The following GDAP1 variants were observed in gnomAD, a reference collection of about 807,000 sequenced individuals.
GDAP1 encodes the protein ganglioside induced differentiation associated protein 1, also known as ganglioside-induced differentiation-associated protein 1.
A neutral mutation model predicts 40.1 loss-of-function variants in GDAP1; 34 were observed. The ratio of observed to expected loss-of-function variants is 0.85; its 90% CI spans 0.64 to 1.13. The LOEUF (loss-of-function observed/expected upper bound fraction) is 1.13, where lower values mean the gene tolerates loss of function less well. Ranked by LOEUF, GDAP1 falls within the 50% of genes most tolerant of loss-of-function variation. The pLI is 0.00. For missense variants in GDAP1, 374 were observed against 433.7 expected (o/e 0.86, Z 1.22); for synonymous variants, 170 against 157.4 (o/e 1.08, Z -0.60).
Position 74,350,441 on chromosome 8 carries a change from C to G in GDAP1, c.-21C>G. On this transcript the variant is annotated 5_prime_UTR_variant, in exon 1 of 6. Coordinates refer to ENST00000220822, the MANE Select transcript of GDAP1 (RefSeq NM_018972.4). ...GTCCAGGGCGGACAGGCTGGGCGCA[C>G]CCGTGCTCGCGCACCCCAAGATGGC... 1 of 1,471,746 alleles carries G rather than the reference C, an allele frequency of 6.8e-7. No homozygotes were observed. Among genetic ancestry groups the G allele is most frequent in the South Asian group, 1.1e-5 (1 of 88,308 alleles). The allele number at this position is 1,471,746 out of a possible 1,614,324, so 91.2% of individuals were successfully genotyped here.
chr8:74,423,833 A>G (rs1805913766), intron 2 of GDAP1, among the ~76,000 whole-genome samples: 1 of 152,076 alleles, frequency 6.6e-6, no homozygotes, highest in African/African-American at 2.4e-5. Context: ...CCCTCCTGAG[A>G]GAGGAATAGA....
Position 74,365,885 on chromosome 8 carries a change from A to G in GDAP1, c.*1518A>G, listed in dbSNP as rs1192748771. On this transcript the variant is annotated 3_prime_UTR_variant, in exon 6 of 6. Transcript: ENST00000220822. ...AAAATTTGCACATGAGTGTGTTGTC[A>G]TATGGAGTGTCTGAATCTGTTGCTG... 12 of 454,268 alleles carry G rather than the reference A, an allele frequency of 2.6e-5. No individual in the cohort carries two copies. Among genetic ancestry groups the G allele is most frequent in the Non-Finnish European group, 5.3e-5 (12 of 226,796 alleles). 28.1% of individuals were successfully genotyped at this position (454,268 alleles called of 1,614,324 possible).
chr8:74,483,754 C>T (rs1806741803), intron 2 of GDAP1, among the ~76,000 whole-genome samples: 1 of 152,076 alleles, frequency 6.6e-6, no homozygotes, highest in Non-Finnish European at 1.5e-5. Flanking sequence ...TGCTTAACTC[C>T]AGTTATATTG....
intron 2 of GDAP1, among the ~76,000 whole-genome samples, chr8:74,447,686 A>T (rs75177408): frequency 2.0e-5 from 3 of 152,170 alleles, no homozygotes; most frequent in Non-Finnish European, 4.4e-5. Context: ...TCAGGACAGA[A>T]GCACAAGTGG....
chr8:74,428,756 A>T (rs1274906242), intron 2 of GDAP1, among the ~76,000 whole-genome samples: 2 of 147,238 alleles, frequency 1.4e-5, no homozygotes, highest in Admixed American at 1.4e-4. Context: ...TGCTGAGATT[A>T]CAGACATGAG....
At chr8:74,355,063 C>A (rs529622971) in intron 2 of GDAP1, among the ~76,000 whole-genome samples, 1 of 152,130 alleles carries the variant, frequency 6.6e-6, no homozygotes, top group Non-Finnish European at 1.5e-5. Flanking sequence ...TATTTCTATC[C>A]TTGTACTTTC....
intron 2 of GDAP1, among the ~76,000 whole-genome samples, chr8:74,410,906 A>AC (rs1217171157): frequency 6.7e-6 from 1 of 150,136 alleles, no homozygotes; most frequent in Non-Finnish European, 1.5e-5. Context: ...GCTGTGTCCC[A>AC]CCCAAATCTC....
intron 2 of GDAP1, among the ~76,000 whole-genome samples, chr8:74,448,780 CTGTT>C (rs1419376981): frequency 2.6e-5 from 4 of 151,970 alleles, no homozygotes; most frequent in African/African-American, 9.7e-5. Flanking sequence ...ATTACGTAGT[CTGTT>C]AGTTGATTGT....
At chr8:74,354,095 T>C (rs1301989138) in intron 2 of GDAP1, among the ~76,000 whole-genome samples, 1 of 152,186 alleles carries the variant, frequency 6.6e-6, no homozygotes, top group Non-Finnish European at 1.5e-5. Flanking sequence ...TAACGCACAT[T>C]TGCAGATGAA....
At chr8:74,405,512 GT>G (rs1239725825) in intron 2 of GDAP1, among the ~76,000 whole-genome samples, 1 of 150,142 alleles carries the variant, frequency 6.7e-6, no homozygotes, top group African/African-American at 2.5e-5. Flanking sequence ...GGCCAACTGT[GT>G]TTGTTAAACT....
At chr8:74,367,761 A>G (rs903082084), downstream of GDAP1, among the ~76,000 whole-genome samples, 4 of 152,218 alleles carry the variant, frequency 2.6e-5, no homozygotes, top group Admixed American at 1.3e-4. Context: ...TAGTAGTTTT[A>G]ATTATGTATT....
At chr8:74,409,493 A>G (rs2131553118) in intron 2 of GDAP1, among the ~76,000 whole-genome samples, 1 of 149,804 alleles carries the variant, frequency 6.7e-6, no homozygotes, top group African/African-American at 2.6e-5. Flanking sequence ...CTGGGATTAC[A>G]GGCATGCACC....
At chr8:74,386,402 C>T (rs745376765) in intron 2 of GDAP1, among the ~76,000 whole-genome samples, 1 of 152,180 alleles carries the variant, frequency 6.6e-6, no homozygotes, top group Non-Finnish European at 1.5e-5. Context: ...CAGCTTTCTG[C>T]ATATGGCTAG....
chr8:74,415,639 C>T (rs1805768402), intron 2 of GDAP1, among the ~76,000 whole-genome samples: 1 of 149,948 alleles, frequency 6.7e-6, no homozygotes, highest in Non-Finnish European at 1.5e-5. Flanking sequence ...CTTATCCCTG[C>T]CCAGAGCTGG....
chr8:74,435,402 G>C (rs1017734262), intron 2 of GDAP1, among the ~76,000 whole-genome samples: 2 of 152,192 alleles, frequency 1.3e-5, no homozygotes, highest in African/African-American at 4.8e-5. Flanking sequence ...TGGCAATTCA[G>C]TGTCAACATG....
intron 2 of GDAP1, among the ~76,000 whole-genome samples, chr8:74,487,087 G>C (rs1256455231): frequency 6.6e-6 from 1 of 152,106 alleles, no homozygotes; most frequent in Non-Finnish European, 1.5e-5. Context: ...TATTAAATGA[G>C]ATTTGCATTT....
intron 2 of GDAP1, among the ~76,000 whole-genome samples, chr8:74,443,900 T>G (rs376770487): frequency 6.6e-6 from 1 of 152,170 alleles, no homozygotes; most frequent in Non-Finnish European, 1.5e-5. Context: ...TCTCTCCAGC[T>G]GTTTTTCTTT....
chr8:74,474,522 A>G (rs978378225), intron 2 of GDAP1, among the ~76,000 whole-genome samples: 4 of 152,164 alleles, frequency 2.6e-5, no homozygotes, highest in Non-Finnish European at 5.9e-5. Flanking sequence ...AATTTTATTG[A>G]AAGCCTTTTC....
intron 4 of GDAP1, among the ~76,000 whole-genome samples, chr8:74,362,624 C>T (rs1028189604): frequency 6.6e-6 from 1 of 152,132 alleles, no homozygotes; most frequent in South Asian, 2.1e-4. Flanking sequence ...TGCTAGAATT[C>T]TTTTCCTGAG....
Sources: allele counts gnomAD v4.1 joint callset (sites outside exome capture counted in the v4.1 genomes callset), GRCh38; gene constraint gnomAD v4.1.1; transcripts MANE v1.5; gene names NCBI Gene and HGNC (gene_info 2026-07-23, HGNC 2026-07-21).